Variants in NHLRC2 observed in about 807,000 individuals in gnomAD.
NHLRC2 encodes NHL repeat containing 2.
In NHLRC2, 33 loss-of-function variants were observed where a neutral mutation model predicts 68.1. The ratio of observed to expected loss-of-function variants is 0.48; its 90% CI spans 0.37 to 0.65. The LOEUF is 0.65. Ranked by LOEUF, NHLRC2 falls within the 30% of genes least tolerant of loss-of-function variation. The probability of loss-of-function intolerance (pLI) is 0.00; values close to 1 mark genes in which losing one functional copy is unlikely to be tolerated. For synonymous variants in NHLRC2, 311 were observed against 309.6 expected (o/e 1.00, Z -0.05); for missense variants, 761 against 853.8 (o/e 0.89, Z 1.35).
intron 7 of NHLRC2, 111 bp from the exon 8 acceptor site, chr10:113,902,360 C>A (rs1846236526): frequency 1.4e-6 from 1 of 691,202 alleles, no homozygotes; most frequent in Non-Finnish European, 2.4e-6. Flanking sequence ...CAGCATTTTC[C>A]CTTTTAACTT....
Position 113,898,094 on chromosome 10 carries a change from A to T in NHLRC2, c.1040-16A>T. The T allele has an allele frequency of 6.7e-7, 1 of 1,496,260 alleles. No individual in the cohort carries two copies. The highest frequency in any genetic ancestry group is 1.7e-5 in the Admixed American group (1 of 58,928). The allele number at this position is 1,496,260 out of a possible 1,614,324, so 92.7% of individuals were successfully genotyped here. A position where few individuals can be genotyped will look rare whatever the true frequency, so the allele number is the denominator to read the frequency against. On this transcript the variant is annotated splice_polypyrimidine_tract_variant and intron_variant, in intron 5 of 10. Coordinates refer to ENST00000369301, the MANE Select transcript of NHLRC2 (RefSeq NM_198514.4). ...ACCAGATATGTATATAATAATAATG[A>T]TTTATTTTTATAAAGGTTCAGAGGT...
intron 4 of NHLRC2, among the ~76,000 whole-genome samples, chr10:113,883,696 A>C (rs1394114082): frequency 2.0e-5 from 3 of 151,944 alleles, no homozygotes; most frequent in Non-Finnish European, 4.4e-5. Context: ...GCCTGGGTTC[A>C]GGTCCCAGAT....
At chr10:113,895,096 C>T (rs1460199448) in intron 5 of NHLRC2, among the ~76,000 whole-genome samples, 2 of 152,148 alleles carry the variant, frequency 1.3e-5, no homozygotes, top group African/African-American at 4.8e-5. Flanking sequence ...GCTGCCACTC[C>T]CATTCAGCAT....
intron 5 of NHLRC2, among the ~76,000 whole-genome samples, chr10:113,889,775 C>T (rs1275293532): frequency 6.6e-6 from 1 of 152,134 alleles, no homozygotes; most frequent in Non-Finnish European, 1.5e-5. Context: ...GCAGTGATCT[C>T]TTTCCTGTTC....
intron 2 of NHLRC2, among the ~76,000 whole-genome samples, chr10:113,876,110 A>T (rs1265348960): frequency 1.4e-5 from 2 of 145,144 alleles, no homozygotes; most frequent in South Asian, 2.2e-4. Context: ...AAGTTAGATT[A>T]AAAAAAAAAA....
chr10:113,876,457 T>G, intron 2 of NHLRC2, 64 bp from the exon 3 acceptor site: 1 of 920,106 alleles, frequency 1.1e-6, no homozygotes, highest in Non-Finnish European at 1.6e-6. Flanking sequence ...AAACCTAATG[T>G]GTAGATGATG....
Position 113,913,697 on chromosome 10 carries a change from A to T in NHLRC2, c.*5161A>T, listed in dbSNP as rs978549884. On this transcript the variant is annotated 3_prime_UTR_variant, in exon 11 of 11. Transcript: ENST00000369301. ...ATTAGTCCAAGTGAGCTCTGGAAAT[A>T]CAGTCTTCTGCTTTCTTGTTTCATA... The T allele has an allele frequency of 7.9e-5, 12 of 152,334 alleles. No individual in the cohort carries two copies. The highest frequency in any genetic ancestry group is 2.2e-4 in the African/African-American group (9 of 41,588). 9.4% of individuals were successfully genotyped at this position (152,334 alleles called of 1,614,324 possible). A position where few individuals can be genotyped will look rare whatever the true frequency, so the allele number is the denominator to read the frequency against.
In NHLRC2 at chr10:113,915,179, A is replaced by G. The variant is rs75786859; in HGVS notation, c.*6643A>G. The stretch of plus-strand genomic sequence containing the variant: ...CTTCTTCACTGGCATGTCGCTTTCA[A>G]GTGTACCAAAGGACATTTTGTTCTG... On this transcript the variant is annotated 3_prime_UTR_variant, in exon 11 of 11. Coordinates refer to ENST00000369301, the MANE Select transcript of NHLRC2 (RefSeq NM_198514.4). 2.2e-6 allele frequency: 1 copy of G among 456,238 alleles called. No homozygotes were observed. Among genetic ancestry groups the G allele is most frequent in the African/African-American group, 2.0e-5 (1 of 50,094 alleles). 28.3% of individuals were successfully genotyped at this position (456,238 alleles called of 1,614,324 possible).
rs571129795 is a variant in NHLRC2, at chr10:113,899,804, G to A, written c.1139+1595G>A. Among the ~76,000 whole-genome samples the A allele has an allele frequency of 2.6e-5, 4 of 152,228 alleles. No individual in the cohort carries two copies. In the South Asian group the frequency reaches 8.3e-4, roughly 32 times the overall value. On this transcript the variant is annotated intron_variant, in intron 6 of 10. Coordinates refer to ENST00000369301, the MANE Select transcript of NHLRC2 (RefSeq NM_198514.4). ...GTGGTGGCGCTTGCCTGTAATCCCA[G>A]CTACTCAGGAGGCTGTGGCAGGAGA...
chr10:113,914,510 C>A lies in NHLRC2; in HGVS notation c.*5974C>A. 5.9e-6 allele frequency: 1 copy of A among 168,904 alleles called. No individual in the cohort carries two copies. Among genetic ancestry groups the A allele is most frequent in the Non-Finnish European group, 1.3e-5 (1 of 78,672 alleles). The allele number at this position is 168,904 out of a possible 1,614,324, so 10.5% of individuals were successfully genotyped here. A position where few individuals can be genotyped will look rare whatever the true frequency, so the allele number is the denominator to read the frequency against. On this transcript the variant is annotated 3_prime_UTR_variant, in exon 11 of 11. Coordinates refer to ENST00000369301, the MANE Select transcript of NHLRC2 (RefSeq NM_198514.4). ...AGGAATTAAGCAAAATGCTACGTAC[C>A]AATGATTATGATTCATGATCACCTA...
rs563170991 is a variant in NHLRC2 at position 113,854,962 on chromosome 10, C to T, written c.90C>T (p.Thr30=). Residue 30 remains threonine (T), a synonymous_variant, in exon 1 of 11, where the codon ACC becomes ACT. Coordinates refer to ENST00000369301, the MANE Select transcript of NHLRC2 (RefSeq NM_198514.4). The stretch of plus-strand genomic sequence containing the variant: ...AGTACGCCCTGCTCGACGCCGTTAC[C>T]CAGCAGGAGAAGGACAGCCTGGTCT... ...SLEYALLDAV[T]QQEKDSLVYQ... 1.3e-6 allele frequency: 2 copies of T among 1,554,214 alleles called. No individual in the cohort carries two copies. Among genetic ancestry groups the T allele is most frequent in the East Asian group, 4.9e-5 (2 of 41,172 alleles).
In NHLRC2 at chr10:113,854,963, C is replaced by T; in HGVS notation, c.91C>T (p.Gln31Ter). ...LEYALLDAVT[Q>*]QEKDSLVYQY... ...GTACGCCCTGCTCGACGCCGTTACC[C>T]AGCAGGAGAAGGACAGCCTGGTCTA... Residue 31 changes from glutamine to a stop codon, truncating the protein, a stop_gained, in exon 1 of 11, where the codon CAG becomes TAG. Transcript: ENST00000369301. LOFTEE classifies it high-confidence loss of function. The T allele has an allele frequency of 6.4e-6, 10 of 1,554,060 alleles. No homozygotes were observed. Among genetic ancestry groups the T allele is most frequent in the Non-Finnish European group, 8.7e-6 (10 of 1,148,198 alleles).
intron 2 of NHLRC2, among the ~76,000 whole-genome samples, chr10:113,862,311 C>G (rs1269325110): frequency 6.6e-6 from 1 of 151,926 alleles, no homozygotes; most frequent in East Asian, 1.9e-4. Context: ...GTTAAAGGAG[C>G]AGAGTTTTTG....
At chr10:113,905,220 C>CT (rs1427794584) in intron 10 of NHLRC2, among the ~76,000 whole-genome samples, 184 bp downstream of exon 10, 1 of 152,152 alleles carries the variant, frequency 6.6e-6, no homozygotes, top group East Asian at 1.9e-4. Context: ...TCTTTCTTCC[C>CT]TTTTATTAAA....
At chr10:113,860,688 C>G (rs2134687638) in intron 2 of NHLRC2, among the ~76,000 whole-genome samples, 1 of 152,014 alleles carries the variant, frequency 6.6e-6, no homozygotes, top group South Asian at 2.1e-4. Context: ...TTTAAAAAAA[C>G]AATGTATGAA....
rs1846352539 is a variant in NHLRC2, at chr10:113,913,900, T to G, written c.*5364T>G. The G allele has an allele frequency of 6.9e-6, 1 of 144,126 alleles. No homozygotes were observed. Among genetic ancestry groups the G allele is most frequent in the Non-Finnish European group, 1.5e-5 (1 of 67,106 alleles). The allele number at this position is 144,126 out of a possible 1,614,324, so 8.9% of individuals were successfully genotyped here. A position where few individuals can be genotyped will look rare whatever the true frequency, so the allele number is the denominator to read the frequency against. ...TCTCACTCTGTCACCCAGGCTGGAGTGCAAGGGTACAATCTCAGCTCACTG... is the reference window on the plus strand; with the variant it reads ...TCTCACTCTGTCACCCAGGCTGGAGGGCAAGGGTACAATCTCAGCTCACTG... On this transcript the variant is annotated 3_prime_UTR_variant, in exon 11 of 11. Transcript: ENST00000369301.
intron 2 of NHLRC2, among the ~76,000 whole-genome samples, chr10:113,872,521 TC>T (rs1361543348): frequency 6.6e-6 from 1 of 151,804 alleles, no homozygotes; most frequent in Non-Finnish European, 1.5e-5. Flanking sequence ...GGATTAAATA[TC>T]CTTAGTCAGC....
chr10:113,865,189 T>G (rs1250378307), intron 2 of NHLRC2, among the ~76,000 whole-genome samples: 1 of 151,952 alleles, frequency 6.6e-6, no homozygotes, highest in Non-Finnish European at 1.5e-5. Flanking sequence ...GACCTCGTGA[T>G]ACGCCTGCCT....
intron 2 of NHLRC2, among the ~76,000 whole-genome samples, chr10:113,861,469 C>T (rs146809037): frequency 1.4e-4 from 21 of 152,324 alleles, no homozygotes; most frequent in African/African-American, 5.1e-4. Flanking sequence ...GATTTCTCAT[C>T]AGAAACTTTG....
Sources: allele counts gnomAD v4.1 joint callset (sites outside exome capture counted in the v4.1 genomes callset), GRCh38; gene constraint gnomAD v4.1.1; transcripts MANE v1.5; gene names NCBI Gene and HGNC (gene_info 2026-07-23, HGNC 2026-07-21).